The following PHF3 variants were observed in gnomAD, a reference collection of about 807,000 sequenced individuals.
PHF3 encodes PHD finger protein 3.
In PHF3, 41 loss-of-function variants were observed where a neutral mutation model predicts 178.4. The ratio of observed to expected loss-of-function variants is 0.23; its 90% CI spans 0.18 to 0.30. PHF3 has a LOEUF of 0.30. PHF3 is among the 10% of genes least tolerant of loss of function. The pLI is 1.00. For synonymous variants in PHF3, 842 were observed against 800.5 expected (o/e 1.05, Z -0.88); for missense variants, 2,346 against 2,398.1 (o/e 0.98, Z 0.45).
chr6:63,699,561 G>A (rs899179462), intron 8 of PHF3, among the ~76,000 whole-genome samples: 1 of 152,072 alleles, frequency 6.6e-6, no homozygotes, highest in Non-Finnish European at 1.5e-5. Context: ...CTTTTCTTCA[G>A]CAATTAAATA....
At chr6:63,704,499 A>G (rs1180720872) in intron 11 of PHF3, among the ~76,000 whole-genome samples, 2 of 150,406 alleles carry the variant, frequency 1.3e-5, no homozygotes, top group Non-Finnish European at 3.0e-5. Flanking sequence ...GGAATCATCT[A>G]GTATGTAACA....
chr6:63,637,934 A>G (rs1295149134), intron 1 of PHF3, among the ~76,000 whole-genome samples: 3 of 152,198 alleles, frequency 2.0e-5, no homozygotes, highest in South Asian at 2.1e-4. Context: ...ATAGAAAAAT[A>G]TAGTTTATTT....
rs573083391 is a variant in PHF3, at chr6:63,664,516, G to A, written c.245-15484G>A. ...TTTGAGTGCACACCAGTATTTTTAC[G>A]TGTATTTATATTACTTGTCTTACTG... On this transcript the variant is annotated intron_variant, in intron 2 of 15. Coordinates refer to ENST00000262043, the MANE Select transcript of PHF3 (RefSeq NM_001370348.2). 5.3e-5 allele frequency among the ~76,000 whole-genome samples: 8 copies of A among 152,142 alleles called. No individual in the cohort carries two copies. In the East Asian group the frequency reaches 7.7e-4, roughly 15 times the overall value.
chr6:63,668,858 C>A (rs146705960), intron 2 of PHF3, among the ~76,000 whole-genome samples: 1,596 of 151,896 alleles, frequency 0.011, 25 homozygotes, highest in African/African-American at 0.037. Flanking sequence ...TTTCATTCTG[C>A]GATTTTTAAT....
rs1273540108 is a variant in PHF3 at position 63,711,954 on chromosome 6, A to G, written c.4366A>G (p.Thr1456Ala). The change falls in exon 16 of 16, where the codon ACT becomes GCT. Residue 1456 changes from threonine (T) to alanine (A), a missense_variant. By Grantham distance (58) the Thr-to-Ala change is moderately conservative. Coordinates refer to ENST00000262043, the MANE Select transcript of PHF3 (RefSeq NM_001370348.2). ...VLIGWENQPT[T>A]LELANKPLPV... ...GATTGGCTGGGAGAATCAACCTACT[A>G]CTCTGGAATTAGCAAATAAACCTCT... 6.2e-7 allele frequency: 1 copy of G among 1,613,734 alleles called. No individual in the cohort carries two copies. The highest frequency in any genetic ancestry group is 8.5e-7 in the Non-Finnish European group (1 of 1,179,896).
chr6:63,654,604 C>T (rs1019200138), intron 2 of PHF3, among the ~76,000 whole-genome samples: 26 of 152,196 alleles, frequency 1.7e-4, no homozygotes, highest in African/African-American at 5.3e-4. Context: ...GCCAAAAGAT[C>T]GAAAGAGTAT....
At position 63,713,483 on chromosome 6, in the gene PHF3, G is replaced by A. The variant is rs780327092; in HGVS notation, c.5895G>A (p.Gly1965=). The change falls in exon 16 of 16, where the codon GGG becomes GGA. Residue 1965 remains glycine (G), a synonymous_variant. Coordinates refer to ENST00000262043, the MANE Select transcript of PHF3 (RefSeq NM_001370348.2). ...KDRDRKSREE[G]HKDKERARLS... ...GAGACAGAAAAAGCAGGGAGGAAGG[G>A]CACAAAGATAAAGAGAGGGCACGGT... is the stretch of plus-strand genomic sequence containing the variant. The A allele has an allele frequency of 1.9e-6, 3 of 1,613,760 alleles. No individual in the cohort carries two copies. Among genetic ancestry groups the A allele is most frequent in the South Asian group, 2.2e-5 (2 of 91,066 alleles).
At chr6:63,705,397 G>A (rs1561980733) in intron 11 of PHF3, among the ~76,000 whole-genome samples, 1 of 152,326 alleles carries the variant, frequency 6.6e-6, no homozygotes. Context: ...CACAGCAGGA[G>A]GTGAGCGGTG....
intron 4 of PHF3, among the ~76,000 whole-genome samples, chr6:63,689,533 A>T (rs1201954451): frequency 2.6e-5 from 4 of 152,194 alleles, no homozygotes; most frequent in African/African-American, 9.6e-5. Context: ...GAATTCTCTG[A>T]TCTTAGAAGA....
At chr6:63,637,614 A>G (rs1230146376) in intron 1 of PHF3, among the ~76,000 whole-genome samples, 1 of 141,384 alleles carries the variant, frequency 7.1e-6, no homozygotes, top group Non-Finnish European at 1.5e-5. Context: ...TACTGGCTAT[A>G]TATTACCATA....
At chr6:63,671,337 C>T (rs1396646942) in intron 2 of PHF3, among the ~76,000 whole-genome samples, 6 of 152,142 alleles carry the variant, frequency 3.9e-5, no homozygotes, top group Admixed American at 3.9e-4. Context: ...AGTCCTTGCC[C>T]TCATGGAGCC....
At chr6:63,703,389 TA>T (rs570572113) in intron 10 of PHF3, 146 bp from the exon 11 acceptor site, 95 of 742,822 alleles carry the variant, frequency 1.3e-4, no homozygotes, top group Middle Eastern at 3.3e-4. Context: ...TAAGAAATAG[TA>T]AAAAAAAACC....
In PHF3 at chr6:63,709,484, A is replaced by G. The variant is rs1289804987; in HGVS notation, c.3801+244A>G. Reference sequence around the variant, plus strand: ...GGCTTCTGTTAATGTTTTAGAAGAAATGTTTTAGAGTAAGTATTGAAATTC... The same window carrying G: ...GGCTTCTGTTAATGTTTTAGAAGAAGTGTTTTAGAGTAAGTATTGAAATTC... On this transcript the variant is annotated intron_variant, in intron 14 of 15. Transcript: ENST00000262043. 2.6e-5 allele frequency among the ~76,000 whole-genome samples: 4 copies of G among 152,014 alleles called. No homozygotes were observed. In the East Asian group the frequency reaches 5.8e-4, roughly 22 times the overall value.
At position 63,712,236 on chromosome 6, in the gene PHF3, A is replaced by G; in HGVS notation, c.4648A>G (p.Ile1550Val). 20 of 1,614,072 alleles carry G rather than the reference A, an allele frequency of 1.2e-5. No homozygotes were observed. Among genetic ancestry groups the G allele is most frequent in the Non-Finnish European group, 1.6e-5 (19 of 1,179,956 alleles). Residue 1550 changes from isoleucine (I) to valine (V), a missense_variant, in exon 16 of 16, where the codon ATT becomes GTT. By Grantham distance (29) the Ile-to-Val change is conservative. Around this residue, in one of 8 missense-constraint regions of PHF3, gnomAD observed 839 missense variants for 806.9 expected, o/e 1.04. Coordinates refer to ENST00000262043, the MANE Select transcript of PHF3 (RefSeq NM_001370348.2). ...IETSVVGSSS[I>V]SAGSLTSLSL... ...AACATCAGTAGTAGGGTCCTCTTCC[A>G]TTTCTGCAGGGTCTTTGACGAGTCT...
Position 63,718,739 on chromosome 6 carries a change from GA to G in PHF3, c.*5035del, listed in dbSNP as rs1426805531. On this transcript the variant is annotated 3_prime_UTR_variant, in exon 16 of 16. Transcript: ENST00000262043. ...ATAGTTTGGGAAGTGCTATTTTAAA[GA>G]AAAGGCACACTTTATTATGAGAGAA... Among the ~76,000 whole-genome samples the G allele has an allele frequency of 6.6e-6, 1 of 152,030 alleles. No homozygotes were observed. Among genetic ancestry groups the G allele is most frequent in the Non-Finnish European group, 1.5e-5 (1 of 67,944 alleles).
At position 63,721,928 on chromosome 6, in the gene PHF3, G is replaced by T; in HGVS notation, c.*8220G>T. The T allele has an allele frequency of 1.2e-6, 1 of 805,274 alleles. No homozygotes were observed. The highest frequency in any genetic ancestry group is 1.9e-6 in the Non-Finnish European group (1 of 522,116). The allele number at this position is 805,274 out of a possible 1,614,324, so 49.9% of individuals were successfully genotyped here. On this transcript the variant is annotated 3_prime_UTR_variant, in exon 16 of 16. Transcript: ENST00000262043. ...AGTAACAGATCTTGAGCACAATTGT[G>T]TTAGTTTTGTTTCCACTCACAGAGC...
rs532218959 is a variant in PHF3 at position 63,654,045 on chromosome 6, A to G, written c.244+7250A>G. On this transcript the variant is annotated intron_variant, in intron 2 of 15. Transcript: ENST00000262043. ...GGATTCAGTTTGCTAGGATTTTTGC[A>G]TTTATATTAATCAGGGATATTGGCC... Among the ~76,000 whole-genome samples, 159 of 152,178 alleles carry G rather than the reference A, an allele frequency of 1.0e-3. 1 individual carries two copies. In the South Asian group the frequency reaches 0.018, roughly 17 times the overall value.
At chr6:63,708,275 G>A (rs1254302534) in intron 13 of PHF3, among the ~76,000 whole-genome samples, 1 of 152,142 alleles carries the variant, frequency 6.6e-6, no homozygotes, top group African/African-American at 2.4e-5. Context: ...GATCCATGAT[G>A]TTCTTCTTGA....
chr6:63,699,364 T>C (rs999484564), intron 8 of PHF3, among the ~76,000 whole-genome samples: 1 of 152,202 alleles, frequency 6.6e-6, no homozygotes, highest in Non-Finnish European at 1.5e-5. Flanking sequence ...GGTAACAGAA[T>C]GTGATTAGAT....
Sources: gnomAD v4.1 joint callset for allele counts (sites outside exome capture counted in the v4.1 genomes callset) on GRCh38, gnomAD v4.1.1 for gene constraint, gnomAD v4.1.1 regional missense constraint, MANE v1.5 for transcripts, NCBI Gene and HGNC (gene_info 2026-07-23, HGNC 2026-07-21) for gene names.